SPMIP11: variants seen among roughly 807,000 people sequenced by gnomAD.
SPMIP11 encodes long intergenic non-protein coding RNA 935.
At chr12:48,743,240 A>AT in the SPMIP11 span, among the ~76,000 whole-genome samples, 4 of 151,958 alleles carry the variant, frequency 2.6e-5, no homozygotes, top group African/African-American at 9.7e-5. Context: ...TAAAAAAAAA[A>AT]AAAAAAAGTC....
the SPMIP11 span, among the ~76,000 whole-genome samples, chr12:48,741,548 A>G: frequency 6.6e-6 from 1 of 152,160 alleles, no homozygotes. Flanking sequence ...AACTTTGACC[A>G]CTAAAGGTGT....
At chr12:48,768,929 C>T in the SPMIP11 span, 10 of 1,604,152 alleles carry the variant, frequency 6.2e-6, no homozygotes, top group Non-Finnish European at 1.7e-6. Context: ...TGCTCATATC[C>T]CCCTCACCTG....
chr12:48,750,620 C>T, the SPMIP11 span, among the ~76,000 whole-genome samples: 732 of 152,240 alleles, frequency 4.8e-3, 5 homozygotes, highest in African/African-American at 0.017. Flanking sequence ...AAATTCACAA[C>T]GTGGGGCAGG....
the SPMIP11 span, among the ~76,000 whole-genome samples, chr12:48,751,449 AC>A: frequency 2.0e-5 from 3 of 152,062 alleles, no homozygotes; most frequent in African/African-American, 7.2e-5. Flanking sequence ...CCCTGTCTCT[AC>A]AAAAAATTAG....
the SPMIP11 span, among the ~76,000 whole-genome samples, chr12:48,764,002 G>A: frequency 7.2e-6 from 1 of 139,814 alleles, no homozygotes; most frequent in African/African-American, 2.7e-5. Flanking sequence ...TTTTTTTTGA[G>A]ATGGAGTTTC....
the SPMIP11 span, among the ~76,000 whole-genome samples, chr12:48,738,691 C>A: frequency 6.6e-6 from 1 of 151,998 alleles, no homozygotes; most frequent in Non-Finnish European, 1.5e-5. Context: ...CCCGCCACCA[C>A]GTATGGCACC....
chr12:48,731,061 C>T, the SPMIP11 span, among the ~76,000 whole-genome samples: 1 of 152,212 alleles, frequency 6.6e-6, no homozygotes, highest in Non-Finnish European at 1.5e-5. Context: ...TGCTCTTAAA[C>T]ACATTATTTA....
the SPMIP11 span, among the ~76,000 whole-genome samples, chr12:48,744,460 G>T: frequency 6.6e-6 from 1 of 152,030 alleles, no homozygotes; most frequent in Non-Finnish European, 1.5e-5. Flanking sequence ...CTGGCCAGGT[G>T]CAGTGGCTCA....
At chr12:48,727,480 G>A in the SPMIP11 span, 1 of 702,956 alleles carries the variant, frequency 1.4e-6, no homozygotes, top group Non-Finnish European at 2.6e-6. Flanking sequence ...GAGGATCTGA[G>A]ATGGCCTTCT....
chr12:48,758,676 C>T, the SPMIP11 span, among the ~76,000 whole-genome samples: 5 of 152,192 alleles, frequency 3.3e-5, no homozygotes, highest in Non-Finnish European at 7.3e-5. Context: ...CATCTCCTGT[C>T]CTTCTCCTCT....
the SPMIP11 span, among the ~76,000 whole-genome samples, chr12:48,735,475 C>T: frequency 6.6e-6 from 1 of 152,252 alleles, no homozygotes; most frequent in South Asian, 2.1e-4. Context: ...ATACCAGCTA[C>T]TCAGGAGGCT....
the SPMIP11 span, among the ~76,000 whole-genome samples, chr12:48,737,182 A>G: frequency 6.6e-6 from 1 of 151,776 alleles, no homozygotes; most frequent in East Asian, 1.9e-4. Context: ...AACTCCTGCA[A>G]TCAAGCAATC....
the SPMIP11 span, chr12:48,768,951 G>A: frequency 6.2e-7 from 1 of 1,612,096 alleles, no homozygotes; most frequent in Non-Finnish European, 8.5e-7. Flanking sequence ...ATTCGGTCGG[G>A]GACCCCCGTG....
At chr12:48,741,612 T>C in the SPMIP11 span, among the ~76,000 whole-genome samples, 3 of 152,120 alleles carry the variant, frequency 2.0e-5, no homozygotes, top group Non-Finnish European at 4.4e-5. Flanking sequence ...TAACCAATAA[T>C]TTCTGATAAG....
the SPMIP11 span, among the ~76,000 whole-genome samples, chr12:48,761,307 C>T: frequency 1.3e-5 from 2 of 151,892 alleles, no homozygotes; most frequent in East Asian, 1.9e-4. Context: ...AAATGTTAGC[C>T]GGGCATAGTG....
chr12:48,736,129 C>CA, the SPMIP11 span: 11 of 450,726 alleles, frequency 2.4e-5, no homozygotes, highest in Admixed American at 2.6e-4. Flanking sequence ...TCCTGGCCTC[C>CA]ATGGTAGCTC....
At chr12:48,744,643 C>A in the SPMIP11 span, among the ~76,000 whole-genome samples, 4 of 151,814 alleles carry the variant, frequency 2.6e-5, no homozygotes, top group Non-Finnish European at 4.4e-5. Context: ...TGCTTGAACC[C>A]GGGAGGCGGA....
chr12:48,735,387 C>T, the SPMIP11 span, among the ~76,000 whole-genome samples: 1 of 152,170 alleles, frequency 6.6e-6, no homozygotes. Flanking sequence ...GTGGGCAGAT[C>T]ACCTGAGGTC....
At chr12:48,770,545 G>C in the SPMIP11 span, among the ~76,000 whole-genome samples, 1 of 152,192 alleles carries the variant, frequency 6.6e-6, no homozygotes, top group African/African-American at 2.4e-5. Context: ...TCTATCCAAT[G>C]AAAGGCGATA....
Sources: allele counts gnomAD v4.1 joint callset (sites outside exome capture counted in the v4.1 genomes callset), GRCh38; gene constraint gnomAD v4.1.1; transcripts MANE v1.5; gene names NCBI Gene and HGNC (gene_info 2026-07-23, HGNC 2026-07-21).